Variants in GPSM2 observed in about 807,000 individuals in gnomAD.
The protein encoded by GPSM2 is G protein signaling modulator 2.
In GPSM2, 58 loss-of-function variants were observed where a neutral mutation model predicts 78.4. That is an observed-to-expected ratio of 0.74 (90% CI 0.60 to 0.92). The LOEUF (loss-of-function observed/expected upper bound fraction) is 0.92. Ranked by LOEUF, GPSM2 falls within the 40% of genes least tolerant of loss-of-function variation. GPSM2 has a pLI of 0.00. For missense variants in GPSM2, 700 were observed against 815.5 expected (o/e 0.86, Z 1.73); for synonymous variants, 224 against 280.2 (o/e 0.80, Z 2.00).
chr1:108,910,403 G>C (rs930050477), intron 10 of GPSM2, among the ~76,000 whole-genome samples: 6 of 152,146 alleles, frequency 3.9e-5, no homozygotes, highest in Admixed American at 2.0e-4. Flanking sequence ...ATAGGCAACT[G>C]AATAAGTGGA....
At chr1:108,914,655 T>C (rs1297949179) in intron 11 of GPSM2, among the ~76,000 whole-genome samples, 1 of 152,178 alleles carries the variant, frequency 6.6e-6, no homozygotes, top group South Asian at 2.1e-4. Context: ...GAATAAGATA[T>C]AAGAAACGGG....
rs771664950 is a variant in GPSM2, at chr1:108,897,621, T to C, written c.408T>C (p.Asn136=). The part of the protein sequence containing the change: ...QRHLDISREL[N]DKVGEARALY... ...ACCTAGATATTTCCAGAGAGCTTAA[T>C]GACAAGGTAATACCGCAGCATTAGA... is the stretch of plus-strand genomic sequence containing the variant. The change falls in exon 4 of 15, where the codon AAT becomes AAC. Residue 136 remains asparagine (N), a synonymous_variant. Coordinates refer to ENST00000264126, the MANE Select transcript of GPSM2 (RefSeq NM_013296.5). 7 of 1,613,580 alleles carry C rather than the reference T, an allele frequency of 4.3e-6. No homozygotes were observed. In the South Asian group the frequency reaches 4.4e-5, roughly 10 times the overall value.
chr1:108,891,497 T>C (rs1647963951), intron 2 of GPSM2, among the ~76,000 whole-genome samples: 1 of 152,030 alleles, frequency 6.6e-6, no homozygotes, highest in Admixed American at 6.6e-5. Flanking sequence ...AAGGTTATTT[T>C]TATTTTATTT....
intron 2 of GPSM2, among the ~76,000 whole-genome samples, chr1:108,891,116 G>C (rs1647935224): frequency 1.3e-5 from 2 of 152,150 alleles, no homozygotes; most frequent in African/African-American, 4.8e-5. Flanking sequence ...AATTATTGAC[G>C]TTGAAAGATG....
rs770782364 is a variant in GPSM2, at chr1:108,885,473, T to C, written c.-50T>C. On this transcript the variant is annotated 5_prime_UTR_variant, in exon 2 of 15. Coordinates refer to ENST00000264126, the MANE Select transcript of GPSM2 (RefSeq NM_013296.5). ...CAATTCTACATTGTAAAGGACTGGA[T>C]TGGCACAAAATAAAATAATTTTATT... 3 of 1,037,398 alleles carry C rather than the reference T, an allele frequency of 2.9e-6. No homozygotes were observed. The highest frequency in any genetic ancestry group is 4.6e-6 in the Non-Finnish European group (3 of 657,940). 64.3% of individuals were successfully genotyped at this position (1,037,398 alleles called of 1,614,324 possible).
chr1:108,923,308 C>T (rs1490019084), intron 13 of GPSM2, among the ~76,000 whole-genome samples: 1 of 152,072 alleles, frequency 6.6e-6, no homozygotes, highest in Non-Finnish European at 1.5e-5. Flanking sequence ...TGCTGGTATT[C>T]CAGGCATGAG....
chr1:108,885,890 G>A (rs113337018), intron 2 of GPSM2, among the ~76,000 whole-genome samples: 1 of 152,080 alleles, frequency 6.6e-6, no homozygotes. Context: ...GCTAAAAGGT[G>A]GATTTTTTAA....
intron 13 of GPSM2, 151 bp downstream of exon 13, chr1:108,922,727 C>G: frequency 1.3e-6 from 1 of 777,898 alleles, no homozygotes; most frequent in Non-Finnish European, 2.2e-6. Flanking sequence ...ACAGTTCAAA[C>G]AAGGTTTTTT....
intron 1 of GPSM2, among the ~76,000 whole-genome samples, chr1:108,882,974 G>A (rs965262141): frequency 3.3e-5 from 5 of 152,138 alleles, no homozygotes; most frequent in East Asian, 1.9e-4. Flanking sequence ...AGGTTGAAGC[G>A]AGAGGATCAC....
chr1:108,928,701 A>C (rs1651371877), intron 14 of GPSM2, among the ~76,000 whole-genome samples: 1 of 152,204 alleles, frequency 6.6e-6, no homozygotes. Context: ...TCAAACTTGA[A>C]AGAAAAATTC....
chr1:108,926,995 A>G (rs773058344), intron 14 of GPSM2: 9 of 152,246 alleles, frequency 5.9e-5, no homozygotes, highest in Admixed American at 3.3e-4. Context: ...CACAAAAATC[A>G]GTTGTGTGTT....
At chr1:108,916,674 A>T (rs9662017) in intron 11 of GPSM2, among the ~76,000 whole-genome samples, 20,561 of 152,220 alleles carry the variant, frequency 0.14, 1,501 homozygotes, top group African/African-American at 0.18. Context: ...GTGTTATGTA[A>T]GAAGCTGACC....
chr1:108,898,852 A>G (rs1279294995), intron 6 of GPSM2, 27 bp from the exon 7 acceptor site: 2 of 1,594,144 alleles, frequency 1.3e-6, no homozygotes, highest in Admixed American at 3.3e-5. Context: ...TATTTTATCT[A>G]CATCTAATTA....
intron 1 of GPSM2, among the ~76,000 whole-genome samples, chr1:108,878,883 C>T (rs1462466691): frequency 6.6e-6 from 1 of 152,180 alleles, no homozygotes; most frequent in African/African-American, 2.4e-5. Context: ...AGCGTAAGAT[C>T]ATATAACTAA....
rs752223693 is a variant in GPSM2, at chr1:108,896,909, A to G, written c.102A>G (p.Leu34=). Residue 34 remains leucine, a synonymous_variant, in exon 3 of 15, where the codon CTA becomes CTG. Coordinates refer to ENST00000264126, the MANE Select transcript of GPSM2 (RefSeq NM_013296.5). ...AGCTGGCCTTGGAAGGGGAACGTCT[A>G]TGTAAATCAGGAGACTGCCGCGCTG... is the stretch of plus-strand genomic sequence containing the variant. The part of the protein sequence containing the change: ...CLELALEGER[L]CKSGDCRAGV... The G allele has an allele frequency of 9.3e-6, 15 of 1,614,078 alleles. No individual in the cohort carries two copies. Among genetic ancestry groups the G allele is most frequent in the Admixed American group, 1.7e-5 (1 of 60,008 alleles).
rs114535705 is a variant in GPSM2 at position 108,914,516 on chromosome 1, A to C, written c.1263+108A>C. 0.024 allele frequency: 19,777 copies of C among 810,450 alleles called. 381 individuals carry two copies. Among genetic ancestry groups the C allele is most frequent in the Non-Finnish European group, 0.028 (14,345 of 505,306 alleles). The allele number at this position is 810,450 out of a possible 1,614,324, so 50.2% of individuals were successfully genotyped here. ...ATAAGGCTTGCCCTATATAGGTATC[A>C]CTTTAAAATTTGCCTGTAAAAAAAA... On this transcript the variant is annotated intron_variant, in intron 11 of 14. Transcript: ENST00000264126.
chr1:108,895,439 AC>A (rs1648279441), intron 2 of GPSM2, among the ~76,000 whole-genome samples: 1 of 152,186 alleles, frequency 6.6e-6, no homozygotes. Context: ...GGGGTTCCCA[AC>A]CCCTGGGCCA....
chr1:108,885,432 G>C lies in GPSM2; in HGVS notation c.-91G>C. On this transcript the variant is annotated 5_prime_UTR_variant, in exon 2 of 15. Coordinates refer to ENST00000264126, the MANE Select transcript of GPSM2 (RefSeq NM_013296.5). Reference sequence around the variant, plus strand: ...CACCAACTCATTAATATACTAACCGGACAATGTTCTACAAACAATTCTACA... The same window carrying C: ...CACCAACTCATTAATATACTAACCGCACAATGTTCTACAAACAATTCTACA... The C allele has an allele frequency of 1.3e-6, 1 of 759,254 alleles. No homozygotes were observed. The highest frequency in any genetic ancestry group is 1.6e-5 in the South Asian group (1 of 64,244). The allele number at this position is 759,254 out of a possible 1,614,324, so 47.0% of individuals were successfully genotyped here.
chr1:108,931,402 A>G lies in GPSM2; in HGVS notation c.*1462A>G, dbSNP rs1364001115. 8 of 1,551,088 alleles carry G rather than the reference A, an allele frequency of 5.2e-6. No homozygotes were observed. The highest frequency in any genetic ancestry group is 7.0e-6 in the Non-Finnish European group (8 of 1,147,130). ...TATGGGACAGACTGGGACCTGGAGT[A>G]ACACTGGATCACAGACTGCAAAGGC... On this transcript the variant is annotated 3_prime_UTR_variant, in exon 15 of 15. Transcript: ENST00000264126.
Sources: gnomAD v4.1 joint callset for allele counts (sites outside exome capture counted in the v4.1 genomes callset) on GRCh38, gnomAD v4.1.1 for gene constraint, MANE v1.5 for transcripts, NCBI Gene and HGNC (gene_info 2026-07-23, HGNC 2026-07-21) for gene names.